Variants in TBC1D22B observed in about 807,000 individuals in gnomAD.
The protein encoded by TBC1D22B is TBC1 domain family member 22B.
TBC1D22B carries 32 observed loss-of-function variants against 69.1 expected under a neutral mutation model. The ratio of observed to expected loss-of-function variants is 0.46; its 90% CI spans 0.35 to 0.62. TBC1D22B has a LOEUF of 0.62. Among genes scored for constraint, TBC1D22B ranks in the 20% least tolerant of loss-of-function variants. The probability of loss-of-function intolerance (pLI) is 0.00; values close to 1 mark genes in which losing one functional copy is unlikely to be tolerated. For synonymous variants in TBC1D22B, 206 were observed against 229.8 expected (o/e 0.90, Z 0.94); for missense variants, 462 against 630.9 (o/e 0.73, Z 2.87).
chr6:37,279,144 A>G (rs966190354), intron 2 of TBC1D22B, among the ~76,000 whole-genome samples, 160 bp from the exon 3 acceptor site: 1 of 152,182 alleles, frequency 6.6e-6, no homozygotes, highest in East Asian at 1.9e-4. Flanking sequence ...GCTGGTCTGG[A>G]TGTATCTAGA....
At position 37,291,374 on chromosome 6, in the gene TBC1D22B, C is replaced by T. The variant is rs755080529; in HGVS notation, c.982+17C>T. The T allele has an allele frequency of 1.3e-6, 2 of 1,533,812 alleles. No individual in the cohort carries two copies. Among genetic ancestry groups the T allele is most frequent in the East Asian group, 2.3e-5 (1 of 43,856 alleles). On this transcript the variant is annotated intron_variant, in intron 8 of 12. Coordinates refer to ENST00000373491, the MANE Select transcript of TBC1D22B (RefSeq NM_017772.4). Reference sequence around the variant, plus strand: ...AATATGTGGGTAAGAAGCATTAGTACCAAGCTGAACAAGCTATTGCTCTTT... The same window carrying T: ...AATATGTGGGTAAGAAGCATTAGTATCAAGCTGAACAAGCTATTGCTCTTT...
At chr6:37,316,249 C>T (rs1018493521) in intron 10 of TBC1D22B, among the ~76,000 whole-genome samples, 1 of 152,164 alleles carries the variant, frequency 6.6e-6, no homozygotes, top group Non-Finnish European at 1.5e-5. Flanking sequence ...AGTTTGTGAG[C>T]CCCTTTCGCT....
At chr6:37,285,568 C>G (rs1188593999) in intron 6 of TBC1D22B, among the ~76,000 whole-genome samples, 6 of 152,160 alleles carry the variant, frequency 3.9e-5, no homozygotes, top group Admixed American at 2.0e-4. Flanking sequence ...TCTCGGCTTG[C>G]TCCAGCCTTT....
At chr6:37,258,045 G>C (rs969783228) in intron 1 of TBC1D22B, 72 bp downstream of exon 1, 2 of 1,537,164 alleles carry the variant, frequency 1.3e-6, no homozygotes, top group African/African-American at 2.7e-5. Context: ...TGAATCCCGC[G>C]GGCCTGGGGC....
Position 37,279,566 on chromosome 6 carries a change from A to G in TBC1D22B, c.376A>G (p.Lys126Glu). Reference sequence around the variant, plus strand: ...GACATCGGACGTCCCTGCCAACTACAAGGTCATAAAGTCCAGCAGTGATGC... The same window carrying G: ...GACATCGGACGTCCCTGCCAACTACGAGGTCATAAAGTCCAGCAGTGATGC... Reference protein sequence around the residue: ...STTSDVPANYKVIKSSSDAQL... With the variant: ...STTSDVPANYEVIKSSSDAQL... Residue 126 changes from lysine to glutamate, a missense_variant, in exon 3 of 13, where the codon AAG becomes GAG. Transcript: ENST00000373491. The G allele has an allele frequency of 2.5e-6, 4 of 1,614,154 alleles. No homozygotes were observed. Among genetic ancestry groups the G allele is most frequent in the Middle Eastern group, 1.7e-4 (1 of 6,056 alleles).
intron 12 of TBC1D22B, among the ~76,000 whole-genome samples, chr6:37,325,578 C>T (rs11752265): frequency 0.85 from 115,340 of 135,448 alleles, 49,161 homozygotes; most frequent in East Asian, 0.91. Context: ...GAGATGGAGT[C>T]TCACTGTGTC....
intron 7 of TBC1D22B, among the ~76,000 whole-genome samples, chr6:37,288,408 A>G (rs1200955936): frequency 6.6e-6 from 1 of 152,172 alleles, no homozygotes; most frequent in East Asian, 1.9e-4. Context: ...TGAGGAAAGT[A>G]GTCAGTTTAA....
chr6:37,311,186 T>A (rs1183967179), intron 8 of TBC1D22B, among the ~76,000 whole-genome samples: 1 of 149,994 alleles, frequency 6.7e-6, no homozygotes, highest in Non-Finnish European at 1.5e-5. Flanking sequence ...AAGTTGGATT[T>A]TTTTTTTTTT....
intron 2 of TBC1D22B, among the ~76,000 whole-genome samples, chr6:37,277,485 C>T (rs1472764775): frequency 1.4e-4 from 14 of 101,434 alleles, no homozygotes; most frequent in Admixed American, 2.0e-4. Flanking sequence ...TTTTTTGAGA[C>T]GGAGTGTCAC....
intron 7 of TBC1D22B, among the ~76,000 whole-genome samples, chr6:37,289,750 C>T (rs1767119458): frequency 6.6e-6 from 1 of 152,184 alleles, no homozygotes; most frequent in African/African-American, 2.4e-5. Flanking sequence ...TTGAGATTTT[C>T]CTGAAAACGA....
chr6:37,297,102 C>T (rs768364380), intron 8 of TBC1D22B, among the ~76,000 whole-genome samples: 1 of 152,224 alleles, frequency 6.6e-6, no homozygotes, highest in Non-Finnish European at 1.5e-5. Context: ...GCTGGGATTA[C>T]AGGCGTGAGC....
chr6:37,280,743 A>G (rs149328613), intron 3 of TBC1D22B, among the ~76,000 whole-genome samples: 1,862 of 152,212 alleles, frequency 0.012, 11 homozygotes, highest in Non-Finnish European at 0.019. Flanking sequence ...AATAGGTAAT[A>G]TGAGATTTAC....
At chr6:37,284,837 C>T (rs1766954294) in intron 6 of TBC1D22B, among the ~76,000 whole-genome samples, 1 of 152,022 alleles carries the variant, frequency 6.6e-6, no homozygotes, top group Non-Finnish European at 1.5e-5. Flanking sequence ...GCTGGTCCAC[C>T]AACCACACTG....
At chr6:37,300,989 C>T (rs1767550732) in intron 8 of TBC1D22B, among the ~76,000 whole-genome samples, 1 of 152,142 alleles carries the variant, frequency 6.6e-6, no homozygotes, top group Non-Finnish European at 1.5e-5. Context: ...CCCCTATCCC[C>T]TGGCAGCCAC....
At chr6:37,300,471 C>T (rs1767531497) in intron 8 of TBC1D22B, among the ~76,000 whole-genome samples, 1 of 152,148 alleles carries the variant, frequency 6.6e-6, no homozygotes, top group African/African-American at 2.4e-5. Flanking sequence ...AAGCCATCCT[C>T]CCACCTCAGC....
chr6:37,257,994 G>T (rs373171848), intron 1 of TBC1D22B, 21 bp downstream of exon 1: 2 of 1,613,192 alleles, frequency 1.2e-6, no homozygotes, highest in African/African-American at 2.7e-5. Context: ...GACGCTGAGA[G>T]GGATAGGGGA....
In TBC1D22B at chr6:37,284,478, C is replaced by T; in HGVS notation, c.801+14C>T. 6.4e-7 allele frequency: 1 copy of T among 1,553,560 alleles called. No individual in the cohort carries two copies. The highest frequency in any genetic ancestry group is 1.3e-5 in the South Asian group (1 of 79,552). On this transcript the variant is annotated intron_variant, in intron 6 of 12. Transcript: ENST00000373491. ...ACCTACAGACAGGTACAGTCACCAC[C>T]TGCTGCCTCTTTGCTTACCAGTCAT...
chr6:37,264,943 T>A (rs1367787529), intron 1 of TBC1D22B, among the ~76,000 whole-genome samples: 1 of 152,214 alleles, frequency 6.6e-6, no homozygotes, highest in Non-Finnish European at 1.5e-5. Context: ...AGGTGAATTA[T>A]AAATGTCAGG....
At chr6:37,269,458 G>A (rs1447940502) in intron 1 of TBC1D22B, 136 bp from the exon 2 acceptor site, 8 of 750,524 alleles carry the variant, frequency 1.1e-5, no homozygotes, top group Middle Eastern at 2.8e-4. Flanking sequence ...CTCTTTGGGG[G>A]ATGGCTTGAG....
Sources: allele counts gnomAD v4.1 joint callset (sites outside exome capture counted in the v4.1 genomes callset), GRCh38; gene constraint gnomAD v4.1.1; transcripts MANE v1.5; gene names NCBI Gene and HGNC (gene_info 2026-07-23, HGNC 2026-07-21).